The following RBM47 variants were observed in gnomAD, a reference collection of about 807,000 sequenced individuals.
The protein encoded by RBM47 is RNA binding motif protein 47.
A neutral mutation model predicts 47.1 loss-of-function variants in RBM47; 21 were observed. The observed-to-expected ratio is 0.45, with a 90% CI of 0.32 to 0.64. The LOEUF is 0.64. RBM47 is among the 30% of genes least tolerant of loss of function. The pLI, the probability that RBM47 is intolerant of heterozygous loss-of-function variation, is 0.05. For missense variants in RBM47, 708 were observed against 870.9 expected (o/e 0.81, Z 2.35); for synonymous variants, 375 against 361.7 (o/e 1.04, Z -0.42).
chr4:40,576,016 C>T (rs956180761), intron 1 of RBM47, among the ~76,000 whole-genome samples: 2 of 152,162 alleles, frequency 1.3e-5, no homozygotes, highest in Admixed American at 6.5e-5. Context: ...CTGGTTCTGT[C>T]GCCACCCAAG....
chr4:40,556,537 AC>A (rs1730107563), intron 1 of RBM47, among the ~76,000 whole-genome samples: 1 of 151,972 alleles, frequency 6.6e-6, no homozygotes, highest in African/African-American at 2.4e-5. Context: ...TTTTGCTATT[AC>A]TTTTAATGGC....
rs572994672 is a variant in RBM47, at chr4:40,438,150, G to A, written c.744C>T (p.Leu248=). 1 of 1,612,548 alleles carries A rather than the reference G, an allele frequency of 6.2e-7. No individual in the cohort carries two copies. Among genetic ancestry groups the A allele is most frequent in the South Asian group, 1.1e-5 (1 of 91,086 alleles). The change falls in exon 4 of 7, where the codon CTC becomes CTT. Residue 248 remains leucine, a synonymous_variant. Transcript: ENST00000295971. ...DEDVMETVKI[L]YVRNLMIETT... is the part of the protein sequence containing the mutation. ...TCTCGATCATGAGGTTGCGCACGTA[G>A]AGGATCTTCACGGTCTCCATCACGT...
chr4:40,606,006 T>C (rs1203056908), intron 1 of RBM47, among the ~76,000 whole-genome samples: 1 of 150,554 alleles, frequency 6.6e-6, no homozygotes, highest in South Asian at 2.2e-4. Flanking sequence ...GAGACCAGCC[T>C]GGCCACCACG....
intron 2 of RBM47, among the ~76,000 whole-genome samples, chr4:40,529,895 T>A (rs949355514): frequency 6.8e-6 from 1 of 148,038 alleles, no homozygotes; most frequent in African/African-American, 2.5e-5. Flanking sequence ...TAAAAGTAAA[T>A]AAACTTCACG....
intron 1 of RBM47, among the ~76,000 whole-genome samples, chr4:40,573,435 T>A (rs1731931650): frequency 6.6e-6 from 1 of 151,656 alleles, no homozygotes; most frequent in African/African-American, 2.4e-5. Flanking sequence ...AAGAAAAGGA[T>A]GAAATTTTGA....
intron 1 of RBM47, among the ~76,000 whole-genome samples, chr4:40,566,034 C>T (rs1577970912): frequency 6.6e-6 from 1 of 151,770 alleles, no homozygotes; most frequent in East Asian, 1.9e-4. Flanking sequence ...TGCCACTGCA[C>T]TCCAGCCTGG....
rs529432835 is a variant in RBM47 at position 40,470,456 on chromosome 4, C to T, written c.-154-3757G>A. Among the ~76,000 whole-genome samples, 12 of 152,318 alleles carry T rather than the reference C, an allele frequency of 7.9e-5. No individual in the cohort carries two copies. The South Asian group carries it at 2.5e-3, about 32-fold the overall frequency. ...AGCATTTATTGGATGCTTCTGGCATCATCTTAGTTTGCCTATCTTGATTTT... is the reference window on the plus strand; with the variant it reads ...AGCATTTATTGGATGCTTCTGGCATTATCTTAGTTTGCCTATCTTGATTTT... On this transcript the variant is annotated intron_variant, in intron 2 of 6. Transcript: ENST00000295971.
intron 2 of RBM47, among the ~76,000 whole-genome samples, chr4:40,522,225 C>T (rs1044295471): frequency 6.6e-6 from 1 of 152,170 alleles, no homozygotes; most frequent in African/African-American, 2.4e-5. Flanking sequence ...TACCTCTTGG[C>T]TGGGTGCAGT....
intron 6 of RBM47, among the ~76,000 whole-genome samples, chr4:40,428,007 A>G (rs1299465773): frequency 6.6e-6 from 1 of 152,128 alleles, no homozygotes; most frequent in Non-Finnish European, 1.5e-5. Context: ...CCTGGGCAAC[A>G]TGGCGAAACC....
At chr4:40,510,693 A>C (rs183261656) in intron 2 of RBM47, among the ~76,000 whole-genome samples, 32 of 152,326 alleles carry the variant, frequency 2.1e-4, no homozygotes, top group Non-Finnish European at 4.4e-4. Flanking sequence ...AATGGTCATC[A>C]GCCAAGTAGA....
intron 1 of RBM47, among the ~76,000 whole-genome samples, chr4:40,596,612 T>C (rs183576674): frequency 3.3e-5 from 5 of 152,314 alleles, no homozygotes; most frequent in African/African-American, 1.2e-4. Context: ...ATTGTATTTA[T>C]GGACAATGAA....
chr4:40,450,629 T>C (rs1305530502), intron 3 of RBM47, among the ~76,000 whole-genome samples: 1 of 152,054 alleles, frequency 6.6e-6, no homozygotes. Flanking sequence ...TTATTTCACA[T>C]ATATTATCTA....
intron 1 of RBM47, among the ~76,000 whole-genome samples, chr4:40,561,851 C>T (rs1730668266): frequency 6.6e-6 from 1 of 151,960 alleles, no homozygotes; most frequent in East Asian, 1.9e-4. Flanking sequence ...CGCCTGGCCT[C>T]CGTTGTCTTA....
Position 40,426,107 on chromosome 4 carries a change from T to C in RBM47, c.1579A>G (p.Asn527Asp), listed in dbSNP as rs1450247009. Residue 527 changes from asparagine to aspartate, a missense_variant, in exon 7 of 7, where the codon AAC becomes GAC. Transcript: ENST00000295971. Reference protein sequence around the residue: ...PITPVYTVAPNVQRIPTAGIY... With the variant: ...PITPVYTVAPDVQRIPTAGIY... ...CCGGCAGTAGGAATTCTCTGAACGT[T>C]TGGAGCCACCGTGTATACTGGAGTT... 6.2e-7 allele frequency: 1 copy of C among 1,614,188 alleles called. No homozygotes were observed. Among genetic ancestry groups the C allele is most frequent in the South Asian group, 1.1e-5 (1 of 91,074 alleles).
intron 2 of RBM47, chr4:40,515,854 T>G (rs16852299): frequency 0.29 from 44,758 of 152,178 alleles, 6,984 homozygotes; most frequent in African/African-American, 0.4. Context: ...GTTGTCATTT[T>G]TTGGTCTCCT....
intron 2 of RBM47, chr4:40,515,858 G>A (rs1298571143): frequency 6.6e-6 from 1 of 152,120 alleles, no homozygotes; most frequent in Non-Finnish European, 1.5e-5. Context: ...TCATTTTTTG[G>A]TCTCCTACCT....
At chr4:40,617,318 G>C (rs988715440) in intron 1 of RBM47, among the ~76,000 whole-genome samples, 6 of 152,018 alleles carry the variant, frequency 3.9e-5, no homozygotes, top group Non-Finnish European at 8.8e-5. Flanking sequence ...CAACACTTTA[G>C]AAGGCCGAGG....
intron 2 of RBM47, among the ~76,000 whole-genome samples, chr4:40,484,990 T>C (rs997440371): frequency 6.6e-6 from 1 of 150,408 alleles, no homozygotes; most frequent in Non-Finnish European, 1.5e-5. Context: ...TTTAAGATTG[T>C]CTCTTTTTTT....
chr4:40,615,671 C>T (rs1578074497), intron 1 of RBM47, among the ~76,000 whole-genome samples: 2 of 152,166 alleles, frequency 1.3e-5, no homozygotes, highest in African/African-American at 4.8e-5. Flanking sequence ...ATCCCAGCTA[C>T]TAGGGAGGCT....
Sources: gnomAD v4.1 joint callset for allele counts (sites outside exome capture counted in the v4.1 genomes callset) on GRCh38, gnomAD v4.1.1 for gene constraint, MANE v1.5 for transcripts, NCBI Gene and HGNC (gene_info 2026-07-23, HGNC 2026-07-21) for gene names.